The following PEX19 variants were observed in gnomAD, a reference collection of about 807,000 sequenced individuals.
PEX19 encodes the protein peroxisomal biogenesis factor 19, also known as 33 kDa housekeeping protein.
PEX19 carries 29 observed loss-of-function variants against 36.3 expected under a neutral mutation model. The observed-to-expected ratio is 0.80, with a 90% confidence interval of 0.60 to 1.09. The LOEUF is 1.09. PEX19 is among the 50% of genes least tolerant of loss of function. The pLI is 0.00. For synonymous variants in PEX19, 141 were observed against 135.2 expected (o/e 1.04, Z -0.30); for missense variants, 396 against 368.1 (o/e 1.08, Z -0.62).
intron 4 of PEX19, 33 bp downstream of exon 4, chr1:160,282,384 A>G (rs1657807554): frequency 1.3e-6 from 2 of 1,533,822 alleles, no homozygotes; most frequent in Non-Finnish European, 1.8e-6. Flanking sequence ...CTGGGAGTGG[A>G]CCCCTTGTGG....
chr1:160,280,637 C>T (rs1657737046), intron 5 of PEX19, among the ~76,000 whole-genome samples: 1 of 152,006 alleles, frequency 6.6e-6, no homozygotes, highest in Admixed American at 6.6e-5. Flanking sequence ...CCCACCTGAG[C>T]CTCCCCAAGT....
intron 2 of PEX19, among the ~76,000 whole-genome samples, 166 bp from the exon 3 acceptor site, chr1:160,283,275 T>C (rs1409869461): frequency 6.6e-6 from 1 of 152,208 alleles, no homozygotes. Flanking sequence ...AAAAGGTATC[T>C]AGTCATTGAA....
rs745314708 is a variant in PEX19 at position 160,282,436 on chromosome 1, T to C, written c.413A>G (p.Lys138Arg). The change falls in exon 4 of 8, where the codon AAA becomes AGA. Residue 138 changes from lysine to arginine, a missense_variant. Physicochemically the swap from Lys to Arg is conservative, Grantham distance 26. Transcript: ENST00000368072. ...CCTCACCTGAAGGTCAGTGGCATTT[T>C]TGGCTAATCCACTTAGTGTTTCCTT... Reference protein sequence around the residue: ...CLKETLSGLAKNATDLQNSSM... With the variant: ...CLKETLSGLARNATDLQNSSM... 12 of 1,614,078 alleles carry C rather than the reference T, an allele frequency of 7.4e-6. No homozygotes were observed. Among genetic ancestry groups the C allele is most frequent in the South Asian group, 3.3e-5 (3 of 91,084 alleles).
chr1:160,280,364 ATAAG>A (rs1319689341), intron 5 of PEX19, 118 bp from the exon 6 acceptor site: 3 of 950,172 alleles, frequency 3.2e-6, no homozygotes, highest in African/African-American at 3.2e-5. Flanking sequence ...GAAAAGCTAA[ATAAG>A]TAAGTTCATC....
rs1657880959 is a variant in PEX19 at position 160,283,658 on chromosome 1, T to C, written c.71-19A>G. The C allele has an allele frequency of 3.2e-6, 5 of 1,573,370 alleles. No individual in the cohort carries two copies. The highest frequency in any genetic ancestry group is 4.4e-6 in the Non-Finnish European group (5 of 1,142,826). On this transcript the variant is annotated intron_variant, in intron 1 of 7. Coordinates refer to ENST00000368072, the MANE Select transcript of PEX19 (RefSeq NM_002857.4). The stretch of plus-strand genomic sequence containing the variant: ...AGAGCACCTTCAGAGACAAGAGACA[T>C]GGTGTGTGTGTTGGCGACAGATGAG...
intron 3 of PEX19, 164 bp from the exon 4 acceptor site, chr1:160,282,666 G>A (rs1360053032): frequency 2.8e-6 from 2 of 714,470 alleles, no homozygotes; most frequent in Non-Finnish European, 5.0e-6. Flanking sequence ...AATCTATTTA[G>A]TACACGGACT....
intron 3 of PEX19, 57 bp from the exon 4 acceptor site, chr1:160,282,559 G>C: frequency 7.6e-7 from 1 of 1,323,726 alleles, no homozygotes; most frequent in East Asian, 2.3e-5. Flanking sequence ...TGCCTAGACT[G>C]AACTGGTTAA....
rs1332354119 is a variant in PEX19 at position 160,283,092 on chromosome 1, G to A, written c.198C>T (p.Ser66=). 3.1e-6 allele frequency: 5 copies of A among 1,613,746 alleles called. No homozygotes were observed. Among genetic ancestry groups the A allele is most frequent in the African/African-American group, 2.7e-5 (2 of 75,002 alleles). The change falls in exon 3 of 8, where the codon TCC becomes TCT. Residue 66 remains serine (S), a synonymous_variant. Transcript: ENST00000368072. Reference sequence around the variant, plus strand: ...ATAGTTCCTGGAAAAACTTCTCTTGGGAAGCGAAGAGGGCATCCTGCGGGG... The same window carrying A: ...ATAGTTCCTGGAAAAACTTCTCTTGAGAAGCGAAGAGGGCATCCTGCGGGG... ...GDTAKDALFA[S]QEKFFQELFD...
chr1:160,278,306 G>C lies in PEX19; in HGVS notation c.*1245C>G. 1.4e-6 allele frequency: 1 copy of C among 692,884 alleles called. No homozygotes were observed. The highest frequency in any genetic ancestry group is 2.6e-6 in the Non-Finnish European group (1 of 380,532). The allele number at this position is 692,884 out of a possible 1,614,324, so 42.9% of individuals were successfully genotyped here. A position where few individuals can be genotyped will look rare whatever the true frequency, so the allele number is the denominator to read the frequency against. On this transcript the variant is annotated 3_prime_UTR_variant, in exon 8 of 8. Transcript: ENST00000368072. ...GGGCTTTCTACATTGAAATACTCAA[G>C]GGAACATGAGGAAAGATGGCCATCC...
In PEX19 at chr1:160,277,186, G is replaced by A. The variant is rs1305622752; in HGVS notation, c.*2365C>T. The A allele has an allele frequency of 1.1e-5, 5 of 455,706 alleles. No homozygotes were observed. The highest frequency in any genetic ancestry group is 9.4e-5 in the Admixed American group (4 of 42,550). The allele number at this position is 455,706 out of a possible 1,614,324, so 28.2% of individuals were successfully genotyped here. On this transcript the variant is annotated 3_prime_UTR_variant, in exon 8 of 8. Coordinates refer to ENST00000368072, the MANE Select transcript of PEX19 (RefSeq NM_002857.4). ...CAAAGATGATCTGCAGACTTGTGCT[G>A]GTCAGTGAACACCTTTTTTTTTTTT...
In PEX19 at chr1:160,280,228, T is replaced by A; in HGVS notation, c.613A>T (p.Ser205Cys). 6.2e-7 allele frequency: 1 copy of A among 1,613,984 alleles called. No individual in the cohort carries two copies. The highest frequency in any genetic ancestry group is 2.2e-5 in the East Asian group (1 of 44,888). ...ITEKYPEWLQSHRESLPPEQF... is the reference protein window; with the variant it reads ...ITEKYPEWLQCHRESLPPEQF... ...TCTGGAGGTAGAGATTCCCGATGAC[T>A]CTGCAACCATTCTGGATACTAAGAA... is the stretch of plus-strand genomic sequence containing the variant. The change falls in exon 6 of 8, where the codon AGT becomes TGT. Residue 205 changes from serine to cysteine, a missense_variant. Coordinates refer to ENST00000368072, the MANE Select transcript of PEX19 (RefSeq NM_002857.4).
At position 160,282,703 on chromosome 1, in the gene PEX19, T is replaced by C. The variant is rs1304030943; in HGVS notation, c.347-201A>G. 8.9e-6 allele frequency: 6 copies of C among 673,764 alleles called. No individual in the cohort carries two copies. In the East Asian group the frequency reaches 1.6e-4, roughly 18 times the overall value. The allele number at this position is 673,764 out of a possible 1,614,324, so 41.7% of individuals were successfully genotyped here. ...TGCATCAGTTTATTCTCCATGATGA[T>C]ACCCACAATAACACTGTGACCTTTC... is the stretch of plus-strand genomic sequence containing the variant. On this transcript the variant is annotated intron_variant, in intron 3 of 7. Coordinates refer to ENST00000368072, the MANE Select transcript of PEX19 (RefSeq NM_002857.4).
intron 1 of PEX19, among the ~76,000 whole-genome samples, chr1:160,284,782 G>C (rs1022625449): frequency 2.6e-5 from 4 of 152,278 alleles, no homozygotes; most frequent in Admixed American, 2.0e-4. Flanking sequence ...GTAACCTAAA[G>C]AGGAGTTTGA....
Position 160,285,047 on chromosome 1 carries a change from G to T in PEX19, c.70+8C>A. ...CCTCTTCGGGCCTTTCCCACTATGG[G>T]CTCTTACTTTCCAGAAGCTCCTCCA... is the stretch of plus-strand genomic sequence containing the variant. On this transcript the variant is annotated splice_region_variant and intron_variant, in intron 1 of 7. Transcript: ENST00000368072. The T allele has an allele frequency of 6.2e-7, 1 of 1,605,096 alleles. No individual in the cohort carries two copies. The highest frequency in any genetic ancestry group is 8.5e-7 in the Non-Finnish European group (1 of 1,171,696).
chr1:160,284,695 T>C (rs1571140808), intron 1 of PEX19, among the ~76,000 whole-genome samples: 1 of 152,072 alleles, frequency 6.6e-6, no homozygotes, highest in East Asian at 1.9e-4. Flanking sequence ...AATCAGTGAG[T>C]GCGTAGTTCG....
chr1:160,285,070 C>T lies in PEX19; in HGVS notation c.55G>A (p.Glu19Lys). 6.2e-7 allele frequency: 1 copy of T among 1,613,630 alleles called. No individual in the cohort carries two copies. The highest frequency in any genetic ancestry group is 8.5e-7 in the Non-Finnish European group (1 of 1,179,514). ...SVGAEADREL[E>K]ELLESALDDF... is the part of the protein sequence containing the mutation. Reference sequence around the variant, plus strand: ...GGGCTCTTACTTTCCAGAAGCTCCTCCAATTCCCTGTCCGCTTCGGCCCCG... The same window carrying T: ...GGGCTCTTACTTTCCAGAAGCTCCTTCAATTCCCTGTCCGCTTCGGCCCCG... The change falls in exon 1 of 8, where the codon GAG becomes AAG. Residue 19 changes from glutamate to lysine, a missense_variant. Physicochemically the swap from Glu to Lys is moderately conservative, Grantham distance 56 (BLOSUM62 1). Transcript: ENST00000368072.
chr1:160,283,289 G>C (rs1268781126), intron 2 of PEX19, among the ~76,000 whole-genome samples, 180 bp from the exon 3 acceptor site: 2 of 152,200 alleles, frequency 1.3e-5, no homozygotes, highest in Admixed American at 1.3e-4. Context: ...CATTGAAGGA[G>C]GGTATGGGAT....
Position 160,278,028 on chromosome 1 carries a change from T to C in PEX19, c.*1523A>G, listed in dbSNP as rs1380558947. 2.9e-6 allele frequency: 2 copies of C among 701,102 alleles called. No homozygotes were observed. The highest frequency in any genetic ancestry group is 3.0e-5 in the South Asian group (2 of 67,490). The allele number at this position is 701,102 out of a possible 1,614,324, so 43.4% of individuals were successfully genotyped here. ...AGTTTTAACCTCGGGGCAAGTGACATGTCAGAAGCTCAAAGCGACTCATAA... is the reference window on the plus strand; with the variant it reads ...AGTTTTAACCTCGGGGCAAGTGACACGTCAGAAGCTCAAAGCGACTCATAA... On this transcript the variant is annotated 3_prime_UTR_variant, in exon 8 of 8. Coordinates refer to ENST00000368072, the MANE Select transcript of PEX19 (RefSeq NM_002857.4).
rs1347901133 is a variant in PEX19 at position 160,279,654 on chromosome 1, A to C, written c.817-20T>G. ...AGGAGGCTGGGGAAGAGATGAAGGG[A>C]CTCAGATAGTTGCTCATTTTTTAGG... is the stretch of plus-strand genomic sequence containing the variant. On this transcript the variant is annotated intron_variant, in intron 7 of 7. Coordinates refer to ENST00000368072, the MANE Select transcript of PEX19 (RefSeq NM_002857.4). The C allele has an allele frequency of 5.6e-6, 9 of 1,605,344 alleles. No individual in the cohort carries two copies. The highest frequency in any genetic ancestry group is 7.7e-6 in the Non-Finnish European group (9 of 1,172,002).
Sources: gnomAD v4.1 joint callset for allele counts (sites outside exome capture counted in the v4.1 genomes callset) on GRCh38, gnomAD v4.1.1 for gene constraint, MANE v1.5 for transcripts, NCBI Gene and HGNC (gene_info 2026-07-23, HGNC 2026-07-21) for gene names.